ASIC2: variants seen among roughly 807,000 people sequenced by gnomAD.
ASIC2 encodes acid-sensing ion channel 2.
In ASIC2, 25 loss-of-function variants were observed where a neutral mutation model predicts 57.3. The observed-to-expected ratio is 0.44, with a 90% CI of 0.32 to 0.61. The LOEUF (loss-of-function observed/expected upper bound fraction) is 0.61. Among genes scored for constraint, ASIC2 ranks in the 20% least tolerant of loss-of-function variants. The pLI is 0.06. For missense variants in ASIC2, 641 were observed against 738.1 expected, an observed-to-expected ratio of 0.87 and a Z score of 1.52; for synonymous variants, 319 against 307.5, an observed-to-expected ratio of 1.04 and a Z score of -0.39.
chr17:34,060,300 T>C (rs1011663318), intron 1 of ASIC2, among the ~76,000 whole-genome samples: 15 of 152,170 alleles, frequency 9.9e-5, no homozygotes, highest in African/African-American at 3.6e-4. Flanking sequence ...AGGGGAAGCG[T>C]ACTATATCAA....
chr17:34,069,963 G>C (rs1909336571), intron 1 of ASIC2: 1 of 152,070 alleles, frequency 6.6e-6, no homozygotes, highest in Non-Finnish European at 1.5e-5. Flanking sequence ...ATTCCATGGT[G>C]ATAATCAAAA....
At chr17:33,422,518 T>C (rs1427990948) in intron 1 of ASIC2, among the ~76,000 whole-genome samples, 6 of 152,190 alleles carry the variant, frequency 3.9e-5, no homozygotes, top group African/African-American at 1.2e-4. Flanking sequence ...AATGCCATCG[T>C]AGAGTGAGGT....
At chr17:33,830,840 G>A (rs1402126037) in intron 1 of ASIC2, among the ~76,000 whole-genome samples, 3 of 151,996 alleles carry the variant, frequency 2.0e-5, no homozygotes, top group African/African-American at 7.2e-5. Context: ...GCAGGGCGCG[G>A]TGGCTCAGGC....
At chr17:33,543,926 A>G (rs1015063678) in intron 1 of ASIC2, among the ~76,000 whole-genome samples, 3 of 152,210 alleles carry the variant, frequency 2.0e-5, no homozygotes, top group African/African-American at 7.2e-5. Flanking sequence ...AGAAGAGAGT[A>G]CAGTACATTT....
intron 1 of ASIC2, among the ~76,000 whole-genome samples, chr17:33,938,339 T>C (rs1916112688): frequency 2.0e-5 from 3 of 152,118 alleles, no homozygotes; most frequent in African/African-American, 7.2e-5. Context: ...GTCCCTGATA[T>C]TCCCTCCCAC....
intron 1 of ASIC2, among the ~76,000 whole-genome samples, chr17:33,444,691 G>A (rs534479965): frequency 6.6e-6 from 1 of 152,224 alleles, no homozygotes; most frequent in South Asian, 2.1e-4. Context: ...AAGGGAATGC[G>A]GTAGGAGCCA....
chr17:33,689,587 A>G (rs1426886116), intron 1 of ASIC2, among the ~76,000 whole-genome samples: 4 of 75,608 alleles, frequency 5.3e-5, no homozygotes, highest in East Asian at 8.1e-4. Flanking sequence ...TATCTTTTCT[A>G]TAGAAATATT....
At chr17:33,297,688 G>A (rs35895295), upstream of ASIC2, among the ~76,000 whole-genome samples, 39,149 of 151,718 alleles carry the variant, frequency 0.26, 5,571 homozygotes, top group Middle Eastern at 0.39. Flanking sequence ...CCTGGATGTG[G>A]TGGTGCACGT....
chr17:33,579,115 T>C (rs1031452922), intron 1 of ASIC2, among the ~76,000 whole-genome samples: 3 of 151,678 alleles, frequency 2.0e-5, no homozygotes, highest in Non-Finnish European at 4.4e-5. Flanking sequence ...TGAAACCCCG[T>C]CTCTACTAAA....
rs143426929 is a variant in ASIC2 at position 33,442,117 on chromosome 17, G to C, written c.556-330050C>G. 1.8e-3 allele frequency among the ~76,000 whole-genome samples: 281 copies of C among 152,218 alleles called. 1 individual carries two copies. The highest frequency in any genetic ancestry group is 6.2e-3 in the African/African-American group (257 of 41,528). The stretch of plus-strand genomic sequence containing the variant: ...TGAAAGGATTAATTTGGGGGCTCCT[G>C]GTTCTGTTCCATTGATCTATATGTC... On this transcript the variant is annotated intron_variant, in intron 1 of 9. Coordinates refer to the ASIC2 transcript ENST00000359872.
chr17:34,040,318 C>T (rs1186390410), intron 1 of ASIC2, among the ~76,000 whole-genome samples: 1 of 146,990 alleles, frequency 6.8e-6, no homozygotes, highest in African/African-American at 2.6e-5. Flanking sequence ...CGGATCGGTT[C>T]GGTCCGGATT....
intron 1 of ASIC2, among the ~76,000 whole-genome samples, chr17:33,640,684 C>T (rs1906533799): frequency 1.3e-5 from 2 of 152,316 alleles, no homozygotes; most frequent in East Asian, 1.9e-4. Context: ...AGTAGAAATG[C>T]GTGTCAATGT....
At chr17:34,152,024 AT>A (rs942541659) in intron 1 of ASIC2, among the ~76,000 whole-genome samples, 1 of 151,996 alleles carries the variant, frequency 6.6e-6, no homozygotes, top group Non-Finnish European at 1.5e-5. Flanking sequence ...AATAATAATA[AT>A]TTTTTTAAAA....
rs186963571 is a variant in ASIC2, at chr17:33,522,133, C to A, written c.556-410066G>T. Among the ~76,000 whole-genome samples, 943 of 152,268 alleles carry A rather than the reference C, an allele frequency of 6.2e-3. 6 individuals are homozygous for A. Among genetic ancestry groups the A allele is most frequent in the Non-Finnish European group, 0.011 (729 of 68,014 alleles). On this transcript the variant is annotated intron_variant, in intron 1 of 9. Transcript: ENST00000359872. Reference sequence around the variant, plus strand: ...CCATGGCACTTCTTTGTCAGTCCCCCCACTCCTTCCTGTCACTGCTGTCCC... The same window carrying A: ...CCATGGCACTTCTTTGTCAGTCCCCACACTCCTTCCTGTCACTGCTGTCCC...
chr17:33,584,893 G>A (rs1904565798), intron 1 of ASIC2, among the ~76,000 whole-genome samples: 1 of 152,138 alleles, frequency 6.6e-6, no homozygotes, highest in Non-Finnish European at 1.5e-5. Flanking sequence ...GACAAAGACA[G>A]GGCAGAGGCA....
chr17:33,503,053 C>T (rs1914146827), intron 1 of ASIC2, among the ~76,000 whole-genome samples: 1 of 152,194 alleles, frequency 6.6e-6, no homozygotes. Flanking sequence ...TCAGCAAGTC[C>T]TGATGCCTCC....
intron 3 of ASIC2, among the ~76,000 whole-genome samples, chr17:33,030,525 C>T (rs1261093401): frequency 6.6e-6 from 1 of 151,888 alleles, no homozygotes; most frequent in African/African-American, 2.4e-5. Flanking sequence ...TTTTTCTTAC[C>T]TTGCTGTATT....
At chr17:33,349,397 G>A (rs1023090259) in intron 1 of ASIC2, among the ~76,000 whole-genome samples, 2 of 152,328 alleles carry the variant, frequency 1.3e-5, no homozygotes, top group South Asian at 4.1e-4. Flanking sequence ...ACTGGGGTCA[G>A]TTATTATGGG....
chr17:33,657,900 T>G (rs1214811168), intron 1 of ASIC2, among the ~76,000 whole-genome samples: 1 of 152,202 alleles, frequency 6.6e-6, no homozygotes, highest in Non-Finnish European at 1.5e-5. Flanking sequence ...TGTGCTCAAG[T>G]TAATTAGAGC....
Sources: allele counts gnomAD v4.1 joint callset (sites outside exome capture counted in the v4.1 genomes callset), GRCh38; gene constraint gnomAD v4.1.1; transcripts MANE v1.5; gene names NCBI Gene and HGNC (gene_info 2026-07-23, HGNC 2026-07-21).